Variants in PRKG1 observed in about 807,000 individuals in gnomAD.
PRKG1 encodes protein kinase cGMP-dependent 1.
Under a neutral mutation model 88.1 loss-of-function variants are expected in PRKG1, and 35 were observed. The ratio of observed to expected loss-of-function variants is 0.40; its 90% CI spans 0.30 to 0.53. The LOEUF (loss-of-function observed/expected upper bound fraction) is 0.53, where lower values mean the gene tolerates loss of function less well. Ranked by LOEUF, PRKG1 falls within the 20% of genes least tolerant of loss-of-function variation. The probability of loss-of-function intolerance (pLI) is 0.59; values close to 1 mark genes in which losing one functional copy is unlikely to be tolerated. For synonymous variants in PRKG1, 303 were observed against 292.5 expected, an observed-to-expected ratio of 1.04 and a Z score of -0.37; for missense variants, 540 against 839.8, an observed-to-expected ratio of 0.64 and a Z score of 4.41.
intron 2 of PRKG1, among the ~76,000 whole-genome samples, chr10:51,389,728 C>A (rs1837350074): frequency 6.6e-6 from 1 of 152,022 alleles, no homozygotes; most frequent in South Asian, 2.1e-4. Flanking sequence ...GATTAGCTCA[C>A]AAATTACTTC....
At chr10:51,494,754 T>C (rs1840805185) in intron 3 of PRKG1, among the ~76,000 whole-genome samples, 1 of 152,236 alleles carries the variant, frequency 6.6e-6, no homozygotes, top group Non-Finnish European at 1.5e-5. Context: ...CAATGTGTGC[T>C]CTCTGTATTT....
chr10:51,027,834 T>G (rs1048828632), intron 1 of PRKG1, among the ~76,000 whole-genome samples: 5 of 152,184 alleles, frequency 3.3e-5, no homozygotes, highest in Admixed American at 1.3e-4. Context: ...TAGTTTCTTA[T>G]ATGCAACCCA....
At chr10:51,989,037 C>A (rs761503343) in intron 5 of PRKG1, among the ~76,000 whole-genome samples, 10 of 151,962 alleles carry the variant, frequency 6.6e-5, no homozygotes, top group Non-Finnish European at 1.2e-4. Flanking sequence ...TGAAATTATT[C>A]TCTGCCCTCT....
At chr10:51,026,391 A>T (rs1247933215) in intron 1 of PRKG1, among the ~76,000 whole-genome samples, 1 of 152,142 alleles carries the variant, frequency 6.6e-6, no homozygotes, top group African/African-American at 2.4e-5. Context: ...TCCAAATTCA[A>T]CCTCTTACAT....
intron 2 of PRKG1, among the ~76,000 whole-genome samples, chr10:51,275,686 G>A (rs1013101136): frequency 1.3e-5 from 2 of 152,062 alleles, no homozygotes; most frequent in Non-Finnish European, 2.9e-5. Context: ...CAAGAAAAAG[G>A]TACATTCCCT....
chr10:51,324,454 G>T (rs914625147), intron 2 of PRKG1, among the ~76,000 whole-genome samples: 1 of 151,984 alleles, frequency 6.6e-6, no homozygotes, highest in Non-Finnish European at 1.5e-5. Context: ...AGCCCATTAA[G>T]GTTCCATTGT....
At chr10:52,082,789 C>T (rs10740416) in intron 7 of PRKG1, among the ~76,000 whole-genome samples, 97,020 of 151,956 alleles carry the variant, frequency 0.64, 31,758 homozygotes, top group African/African-American at 0.79. Context: ...GGGTATTTAG[C>T]GTAGTTTCTG....
chr10:51,955,242 T>G (rs1266249451), intron 5 of PRKG1, among the ~76,000 whole-genome samples: 1 of 152,096 alleles, frequency 6.6e-6, no homozygotes. Flanking sequence ...GGCAACACTT[T>G]CCACGGGAGG....
chr10:51,392,662 G>A lies in PRKG1; in HGVS notation c.479-75061G>A, dbSNP rs1421773218. ...AGCTGTTGGGTACACCTCCCAGACG[G>A]GGTGGTGGCTGGGCAGAGGGGCTCC... On this transcript the variant is annotated intron_variant, in intron 2 of 17. Coordinates refer to ENST00000373980, the MANE Select transcript of PRKG1 (RefSeq NM_006258.4). Among the ~76,000 whole-genome samples, 15 of 151,818 alleles carry A rather than the reference G, an allele frequency of 9.9e-5. No individual in the cohort carries two copies. In the East Asian group the frequency reaches 2.5e-3, roughly 26 times the overall value.
intron 9 of PRKG1, among the ~76,000 whole-genome samples, chr10:52,167,303 G>T (rs557908293): frequency 8.1e-4 from 124 of 152,182 alleles, no homozygotes; most frequent in Non-Finnish European, 1.6e-3. Flanking sequence ...AAGAGAAGGA[G>T]AACTCACTTA....
chr10:51,165,666 A>G (rs1589213392), intron 2 of PRKG1, among the ~76,000 whole-genome samples: 1 of 152,178 alleles, frequency 6.6e-6, no homozygotes, highest in African/African-American at 2.4e-5. Flanking sequence ...ACGTGCAGTG[A>G]CACACATAGG....
rs1838399656 is a variant in PRKG1 at position 52,165,139 on chromosome 10, CA to C, written c.1076+3179del. Among the ~76,000 whole-genome samples the C allele has an allele frequency of 5.9e-5, 9 of 152,082 alleles. No homozygotes were observed. In the South Asian group the frequency reaches 1.9e-3, roughly 32 times the overall value. On this transcript the variant is annotated intron_variant, in intron 9 of 17. Transcript: ENST00000373980. ...AAAACCAGCCAAATAAGTAAATAAG[CA>C]AATAAATAAATAAATACTGGAGGAG... is the stretch of plus-strand genomic sequence containing the variant.
At chr10:51,434,096 G>T (rs1357888857) in intron 2 of PRKG1, among the ~76,000 whole-genome samples, 1 of 152,122 alleles carries the variant, frequency 6.6e-6, no homozygotes, top group Non-Finnish European at 1.5e-5. Flanking sequence ...CTGTCATTCA[G>T]AGCAGGTGTA....
chr10:51,741,732 A>G (rs935934022), intron 3 of PRKG1, among the ~76,000 whole-genome samples: 1 of 152,224 alleles, frequency 6.6e-6, no homozygotes, highest in African/African-American at 2.4e-5. Context: ...CAGAAGAATA[A>G]TACCTTTATT....
At chr10:51,027,529 A>T (rs1472360069) in intron 1 of PRKG1, among the ~76,000 whole-genome samples, 1 of 152,222 alleles carries the variant, frequency 6.6e-6, no homozygotes, top group Non-Finnish European at 1.5e-5. Context: ...TTTTGTTTAG[A>T]TGTATCTAAA....
chr10:51,010,150 A>G (rs542721019), intron 1 of PRKG1, among the ~76,000 whole-genome samples: 2 of 152,360 alleles, frequency 1.3e-5, no homozygotes, highest in East Asian at 3.9e-4. Flanking sequence ...AGTTGTGTTA[A>G]GAATGTAGGT....
chr10:51,242,365 A>G (rs2132126601), intron 2 of PRKG1, among the ~76,000 whole-genome samples: 1 of 152,330 alleles, frequency 6.6e-6, no homozygotes, highest in East Asian at 1.9e-4. Context: ...CCCAACACAT[A>G]ACAGTTTCTC....
At chr10:51,814,496 A>C (rs1275106586) in intron 4 of PRKG1, among the ~76,000 whole-genome samples, 4 of 152,078 alleles carry the variant, frequency 2.6e-5, no homozygotes, top group Non-Finnish European at 5.9e-5. Flanking sequence ...TTAAGCTTTG[A>C]GCTTTAATAG....
intron 3 of PRKG1, among the ~76,000 whole-genome samples, chr10:51,543,092 C>CAGTGCAGT (rs1842351934): frequency 6.6e-6 from 1 of 152,150 alleles, no homozygotes; most frequent in Non-Finnish European, 1.5e-5. Flanking sequence ...ACATCAACCC[C>CAGTGCAGT]AGTGCAGTTG....
Sources: gnomAD v4.1 joint callset for allele counts (sites outside exome capture counted in the v4.1 genomes callset) on GRCh38, gnomAD v4.1.1 for gene constraint, MANE v1.5 for transcripts, NCBI Gene and HGNC (gene_info 2026-07-23, HGNC 2026-07-21) for gene names.